Variants in CDH26 observed in about 807,000 individuals in gnomAD.
CDH26 encodes the protein cadherin 26.
A neutral mutation model predicts 90.3 loss-of-function variants in CDH26; 83 were observed. The ratio of observed to expected loss-of-function variants is 0.92; its 90% confidence interval spans 0.77 to 1.10. CDH26 has a LOEUF of 1.10. Among genes scored for constraint, CDH26 ranks in the 50% least tolerant of loss-of-function variants. CDH26 has a pLI of 0.00. For synonymous variants in CDH26, 397 were observed against 396.3 expected, an observed-to-expected ratio of 1.00 and a Z score of -0.02; for missense variants, 1,013 against 1,037.6, an observed-to-expected ratio of 0.98 and a Z score of 0.33.
At chr20:59,988,481 G>T (rs968978687) in intron 8 of CDH26, among the ~76,000 whole-genome samples, 1 of 152,226 alleles carries the variant, frequency 6.6e-6, no homozygotes, top group South Asian at 2.1e-4. Context: ...GATGCCTGGG[G>T]TTGAATTTTC....
At chr20:59,965,218 C>T (rs189354292) in intron 1 of CDH26, among the ~76,000 whole-genome samples, 152 of 152,246 alleles carry the variant, frequency 1.0e-3, no homozygotes, top group African/African-American at 3.4e-3. Flanking sequence ...AATAACATCA[C>T]CCACCCACCA....
intron 7 of CDH26, among the ~76,000 whole-genome samples, chr20:60,024,671 G>A (rs76363385): frequency 0.022 from 3,304 of 152,314 alleles, 138 homozygotes; most frequent in African/African-American, 0.075. Flanking sequence ...CATGTTCTGT[G>A]TATGGGAAGA....
intron 4 of CDH26, among the ~76,000 whole-genome samples, chr20:59,975,055 T>A (rs2061312045): frequency 1.3e-5 from 2 of 152,028 alleles, no homozygotes; most frequent in Admixed American, 1.3e-4. Flanking sequence ...AAGGAGTAAA[T>A]GAATGAACAA....
At chr20:60,021,177 G>A (rs544237464) in intron 7 of CDH26, among the ~76,000 whole-genome samples, 56 of 152,314 alleles carry the variant, frequency 3.7e-4, no homozygotes, top group African/African-American at 1.3e-3. Context: ...TCTTGCTGAT[G>A]TCACTCCCAG....
At chr20:59,988,066 G>T (rs1318693832) in intron 8 of CDH26, among the ~76,000 whole-genome samples, 1 of 152,204 alleles carries the variant, frequency 6.6e-6, no homozygotes, top group South Asian at 2.1e-4. Context: ...GAGTGCATCT[G>T]TGTGGCTCCA....
intron 4 of CDH26, among the ~76,000 whole-genome samples, chr20:59,977,002 G>T (rs560614242): frequency 9.9e-5 from 15 of 152,122 alleles, no homozygotes; most frequent in Non-Finnish European, 2.1e-4. Context: ...AGAATCGGCG[G>T]AAGGTGCAGT....
At chr20:59,989,534 C>CAAAAAA (rs924037162) in intron 9 of CDH26, among the ~76,000 whole-genome samples, 9 of 74,748 alleles carry the variant, frequency 1.2e-4, no homozygotes, top group African/African-American at 1.8e-4. Flanking sequence ...GACTCCGTCT[C>CAAAAAA]AAAAAAAAAA....
At chr20:59,983,429 C>T (rs1335344834) in intron 5 of CDH26, among the ~76,000 whole-genome samples, 2 of 152,168 alleles carry the variant, frequency 1.3e-5, no homozygotes, top group East Asian at 3.9e-4. Context: ...CTCCGAGTTA[C>T]AGATACTGTG....
intron 7 of CDH26, among the ~76,000 whole-genome samples, chr20:60,029,616 C>G (rs971859907): frequency 1.3e-5 from 2 of 152,106 alleles, no homozygotes; most frequent in African/African-American, 4.8e-5. Context: ...GGTATTTGTC[C>G]TAATGCCCTC....
intron 14 of CDH26, among the ~76,000 whole-genome samples, chr20:60,000,552 C>T (rs1406590262): frequency 6.6e-6 from 1 of 152,228 alleles, no homozygotes; most frequent in African/African-American, 2.4e-5. Flanking sequence ...CTGCAAACTT[C>T]TAGAGGTCTA....
At chr20:59,961,358 T>A (rs2061070924) in intron 1 of CDH26, among the ~76,000 whole-genome samples, 1 of 152,148 alleles carries the variant, frequency 6.6e-6, no homozygotes, top group Non-Finnish European at 1.5e-5. Context: ...GACAGCAGCT[T>A]TATGTAGATT....
downstream of CDH26, among the ~76,000 whole-genome samples, chr20:60,016,689 C>A (rs1485922331): frequency 6.6e-6 from 1 of 152,012 alleles, no homozygotes; most frequent in African/African-American, 2.4e-5. Flanking sequence ...TTGTCTTGTT[C>A]CAGTCCTTAG....
chr20:59,994,490 G>A lies in CDH26; in HGVS notation c.1666+1G>A, dbSNP rs779178143. On this transcript the variant is annotated splice_donor_variant, in intron 11 of 17. Transcript: ENST00000348616. LOFTEE classifies it high-confidence loss of function. ...ACATGGAAGTTGGGGAGAAATTGGG[G>A]TGAGTTTTTGTATTGGTTACGGGCA... 1.2e-6 allele frequency: 2 copies of A among 1,613,850 alleles called. No homozygotes were observed. The highest frequency in any genetic ancestry group is 1.7e-6 in the Non-Finnish European group (2 of 1,179,906).
intron 1 of CDH26, among the ~76,000 whole-genome samples, chr20:59,966,197 C>T (rs915993297): frequency 1.1e-5 from 1 of 93,232 alleles, no homozygotes; most frequent in Admixed American, 1.4e-4. Flanking sequence ...ATCACAGTTT[C>T]TTGGTTGTTC....
intron 3 of CDH26, among the ~76,000 whole-genome samples, chr20:59,971,165 T>G (rs1469449095): frequency 6.6e-6 from 1 of 152,200 alleles, no homozygotes; most frequent in Non-Finnish European, 1.5e-5. Context: ...CATTCTATGA[T>G]TCTTAGAAGA....
At chr20:60,005,573 T>C (rs1001409685) in intron 16 of CDH26, among the ~76,000 whole-genome samples, 2 of 152,176 alleles carry the variant, frequency 1.3e-5, no homozygotes, top group African/African-American at 4.8e-5. Flanking sequence ...ATATTTTACA[T>C]ATGTCTTCTG....
intron 1 of CDH26, among the ~76,000 whole-genome samples, chr20:59,967,332 A>G (rs770030679): frequency 6.6e-6 from 1 of 152,194 alleles, no homozygotes; most frequent in South Asian, 2.1e-4. Flanking sequence ...TTCTTTCTGT[A>G]TGCTCAAAGC....
intron 1 of CDH26, among the ~76,000 whole-genome samples, chr20:59,959,751 T>G (rs2061043875): frequency 6.6e-6 from 1 of 152,132 alleles, no homozygotes; most frequent in Admixed American, 6.5e-5. Flanking sequence ...TGAGGAAATC[T>G]CAGTTGTCTG....
At chr20:60,033,419 T>A in intron 8 of CDH26, 1 of 1,270,538 alleles carries the variant, frequency 7.9e-7, no homozygotes, top group Non-Finnish European at 1.0e-6. Context: ...TAGTGAATGC[T>A]AAGCCTGTGT....
Sources: gnomAD v4.1 joint callset for allele counts (sites outside exome capture counted in the v4.1 genomes callset) on GRCh38, gnomAD v4.1.1 for gene constraint, MANE v1.5 for transcripts, NCBI Gene and HGNC (gene_info 2026-07-23, HGNC 2026-07-21) for gene names.